Variants in ZNF792 observed in about 807,000 individuals in gnomAD.
The protein encoded by ZNF792 is zinc finger protein 792.
In ZNF792, 14 loss-of-function variants were observed where a neutral mutation model predicts 13.1. That is an observed-to-expected ratio of 1.07 (90% CI 0.71 to 1.67). ZNF792 has a LOEUF of 1.67. ZNF792 is among the 40% of genes most tolerant of loss of function. The pLI is 0.00. For missense variants in ZNF792, 740 were observed against 807.9 expected (o/e 0.92, Z 1.02); for synonymous variants, 257 against 292.0 (o/e 0.88, Z 1.22).
rs945682383 is a variant in ZNF792, at chr19:34,962,122, C to CT, written c.34-1129dup. Among the ~76,000 whole-genome samples the CT allele has an allele frequency of 3.4e-5, 5 of 148,130 alleles. No homozygotes were observed. In the East Asian group the frequency reaches 6.2e-4, roughly 18 times the overall value. On this transcript the variant is annotated intron_variant, in intron 1 of 3. Coordinates refer to ENST00000404801, the MANE Select transcript of ZNF792 (RefSeq NM_175872.5). ...CTCAGTTTTCCAGCCCCACCTTCCTCTTTTTTTTAACATCATTGTCACCAT... is the reference window on the plus strand; with the variant it reads ...CTCAGTTTTCCAGCCCCACCTTCCTCTTTTTTTTTAACATCATTGTCACCAT...
chr19:34,958,744 A>G lies in ZNF792; in HGVS notation c.1111T>C (p.Cys371Arg), dbSNP rs2013476698. 3 of 1,614,018 alleles carry G rather than the reference A, an allele frequency of 1.9e-6. No homozygotes were observed. The highest frequency in any genetic ancestry group is 2.2e-5 in the East Asian group (1 of 44,874). Residue 371 changes from cysteine to arginine, a missense_variant, in exon 4 of 4, where the codon TGT (cysteine) becomes CGT (arginine). Coordinates refer to ENST00000404801, the MANE Select transcript of ZNF792 (RefSeq NM_175872.5). ...TGEKPYECSD[C>R]GKFFSQRSNL... ...GAACGCTGGCTGAAGAACTTCCCAC[A>G]GTCGCTGCACTCATATGGCTTTTCA...
Position 34,957,878 on chromosome 19 carries a change from C to A in ZNF792, c.*78G>T, listed in dbSNP as rs2013454793. 3 of 1,407,390 alleles carry A rather than the reference C, an allele frequency of 2.1e-6. 1 individual carries two copies. The South Asian group carries it at 4.4e-5, about 21-fold the overall frequency. The allele number at this position is 1,407,390 out of a possible 1,614,324, so 87.2% of individuals were successfully genotyped here. A position where few individuals can be genotyped will look rare whatever the true frequency, so the allele number is the denominator to read the frequency against. On this transcript the variant is annotated 3_prime_UTR_variant, in exon 4 of 4. Transcript: ENST00000404801. ...GACATGGCTTCTATCACAACCCCAG[C>A]AGTGAAAAAACGCTGATAAACTCTA... is the stretch of plus-strand genomic sequence containing the variant.
At chr19:34,962,428 G>A (rs1030102587) in intron 1 of ZNF792, among the ~76,000 whole-genome samples, 3 of 152,208 alleles carry the variant, frequency 2.0e-5, no homozygotes, top group Admixed American at 1.3e-4. Flanking sequence ...TATGTGATTG[G>A]TTAGGGTGCG....
At position 34,963,641 on chromosome 19, in the gene ZNF792, C is replaced by A. The variant is rs776750139; in HGVS notation, c.22G>T (p.Asp8Tyr). 10 of 1,602,398 alleles carry A rather than the reference C, an allele frequency of 6.2e-6. No individual in the cohort carries two copies. The highest frequency in any genetic ancestry group is 6.8e-6 in the Non-Finnish European group (8 of 1,175,582). Residue 8 changes from aspartate to tyrosine, a missense_variant, in exon 1 of 4, where the codon GAC (aspartate) becomes TAC (tyrosine). By Grantham distance (160) the Asp-to-Tyr change is radical. Coordinates refer to ENST00000404801, the MANE Select transcript of ZNF792 (RefSeq NM_175872.5). ...GTCCAAGCACTCACCTGCGCGGGGTCCCGCAGCGCCGCCGCTGCCATCGGA... is the reference window on the plus strand; with the variant it reads ...GTCCAAGCACTCACCTGCGCGGGGTACCGCAGCGCCGCCGCTGCCATCGGA... MAAAALRDPAQGCVTFED... is the reference protein window; with the variant it reads MAAAALRYPAQGCVTFED...
rs3746244 is a variant in ZNF792, at chr19:34,958,282, G to A, written c.1573C>T (p.Arg525Trp). Residue 525 changes from arginine to tryptophan, a missense_variant, in exon 4 of 4, where the codon CGG (arginine) becomes TGG (tryptophan). Arg to Trp is a moderately radical substitution (Grantham distance 101). Coordinates refer to ENST00000404801, the MANE Select transcript of ZNF792 (RefSeq NM_175872.5). ...FNQSSSLNNH[R>W]RLHTGERPYE... is the part of the protein sequence containing the mutation. ...GGCCGCTCGCCGGTGTGAAGTCTCC[G>A]GTGGTTATTGAGGCTGGAGCTTTGG... The A allele has an allele frequency of 1.8e-4, 283 of 1,613,524 alleles. 1 individual carries two copies. In the East Asian group the frequency reaches 5.4e-3, roughly 31 times the overall value.
Position 34,959,462 on chromosome 19 carries a change from G to C in ZNF792, c.393C>G (p.Thr131=), listed in dbSNP as rs1405775147. The C allele has an allele frequency of 4.3e-6, 7 of 1,613,782 alleles. No individual in the cohort carries two copies. Among genetic ancestry groups the C allele is most frequent in the Non-Finnish European group, 5.9e-6 (7 of 1,179,740 alleles). The change falls in exon 4 of 4, where the codon ACC becomes ACG. Residue 131 remains threonine (T), a synonymous_variant. Transcript: ENST00000404801. The part of the protein sequence containing the change: ...SPEATLCPQK[T]CPCDICGLRL... The stretch of plus-strand genomic sequence containing the variant: ...GTAGGCCACATATGTCACAGGGGCA[G>C]GTCTTCTGGGGGCACAGAGTTGCCT...
rs755565069 is a variant in ZNF792 at position 34,958,428 on chromosome 19, C to CGCTCA, written c.1422_1426dup (p.Arg476LeufsTer76). ...CCCACATTCATTGCATTCATAAGGC[C>CGCTCA]GCTCACCAGTGTGAACTCGCTGATG... On this transcript the variant is annotated frameshift_variant, in exon 4 of 4. Transcript: ENST00000404801. LOFTEE classifies it low-confidence loss of function (END_TRUNC). 2 of 1,612,304 alleles carry CGCTCA rather than the reference C, an allele frequency of 1.2e-6. No individual in the cohort carries two copies. The highest frequency in any genetic ancestry group is 2.2e-5 in the South Asian group (2 of 90,790).
chr19:34,960,604 CA>C, intron 2 of ZNF792: 1 of 675,848 alleles, frequency 1.5e-6, no homozygotes, highest in Non-Finnish European at 2.4e-6. Flanking sequence ...ATGGCCGAGT[CA>C]GAGGTAGTCA....
At position 34,958,896 on chromosome 19, in the gene ZNF792, C is replaced by T. The variant is rs2013480595; in HGVS notation, c.959G>A (p.Ser320Asn). ...ATGTTTAACAAGGCTGGAGTGCTGG[C>T]TGAAGAATTTTCCACATTCACAGCA... ...YECCECGKFF[S>N]QHSSLVKHRR... The change falls in exon 4 of 4, where the codon AGC (serine) becomes AAC (asparagine). Residue 320 changes from serine to asparagine, a missense_variant. By Grantham distance (46) the Ser-to-Asn change is conservative. Coordinates refer to ENST00000404801, the MANE Select transcript of ZNF792 (RefSeq NM_175872.5). The T allele has an allele frequency of 6.2e-7, 1 of 1,613,904 alleles. No homozygotes were observed. The highest frequency in any genetic ancestry group is 2.2e-5 in the East Asian group (1 of 44,880).
rs1235032494 is a variant in ZNF792 at position 34,958,493 on chromosome 19, C to A, written c.1362G>T (p.Glu454Asp). 4.4e-6 allele frequency: 7 copies of A among 1,587,472 alleles called. No homozygotes were observed. The highest frequency in any genetic ancestry group is 6.0e-6 in the Non-Finnish European group (7 of 1,166,892). Reference sequence around the variant, plus strand: ...AGCTTCGGCTGAAGGCTTTCCCACACTCACCACACCCGTGAGGCCGCTCGC... The same window carrying A: ...AGCTTCGGCTGAAGGCTTTCCCACAATCACCACACCCGTGAGGCCGCTCGC... ...HTGERPHGCG[E>D]CGKAFSRSSD... is the part of the protein sequence containing the mutation. The change falls in exon 4 of 4, where the codon GAG (glutamate) becomes GAT (aspartate). Residue 454 changes from glutamate (E) to aspartate (D), a missense_variant. Coordinates refer to ENST00000404801, the MANE Select transcript of ZNF792 (RefSeq NM_175872.5).
Position 34,960,371 on chromosome 19 carries a change from A to G in ZNF792, c.161-14T>C, listed in dbSNP as rs1334720767. ...AAGATATAAGTCCTAAGGGAAAGAC[A>G]GAGTGGGTCAGTGGCCAGCACCTGC... On this transcript the variant is annotated splice_polypyrimidine_tract_variant and intron_variant, in intron 2 of 3. Transcript: ENST00000404801. The G allele has an allele frequency of 6.2e-7, 1 of 1,610,834 alleles. No individual in the cohort carries two copies. Among genetic ancestry groups the G allele is most frequent in the Non-Finnish European group, 8.5e-7 (1 of 1,178,868 alleles).
chr19:34,960,458 G>A, intron 2 of ZNF792, 101 bp from the exon 3 acceptor site: 1 of 1,445,746 alleles, frequency 6.9e-7, no homozygotes. Context: ...CAGGGACATT[G>A]GGTGGTCACG....
chr19:34,964,058 T>G lies in ZNF792; in HGVS notation c.-396A>C. The G allele has an allele frequency of 4.9e-6, 1 of 202,788 alleles. No individual in the cohort carries two copies. Among genetic ancestry groups the G allele is most frequent in the Non-Finnish European group, 9.9e-6 (1 of 101,166 alleles). 12.6% of individuals were successfully genotyped at this position (202,788 alleles called of 1,614,324 possible). A position where few individuals can be genotyped will look rare whatever the true frequency, so the allele number is the denominator to read the frequency against. On this transcript the variant is annotated 5_prime_UTR_variant, in exon 1 of 4. Transcript: ENST00000404801. ...GGGACTCAGCCTCCCCGCCGGGAAA[T>G]GACCTGCGAGGCTGCAGTGCAGGAA... is the stretch of plus-strand genomic sequence containing the variant.
intron 1 of ZNF792, 105 bp downstream of exon 1, chr19:34,963,525 T>C (rs1304788786): frequency 1.2e-5 from 18 of 1,495,074 alleles, no homozygotes; most frequent in Non-Finnish European, 1.6e-5. Context: ...AGCAAGGAAA[T>C]GGGAAAGGCG....
intron 1 of ZNF792, among the ~76,000 whole-genome samples, chr19:34,961,768 A>C (rs1220795513): frequency 6.6e-6 from 1 of 152,062 alleles, no homozygotes; most frequent in African/African-American, 2.4e-5. Flanking sequence ...CCACCCACCT[A>C]AGCCCAGCAA....
At chr19:34,960,798 A>T in intron 2 of ZNF792, 70 bp downstream of exon 2, 1 of 1,610,072 alleles carries the variant, frequency 6.2e-7, no homozygotes, top group South Asian at 1.1e-5. Context: ...GGAAGGAAAG[A>T]GCTGTTTCTT....
At position 34,956,869 on chromosome 19, in the gene ZNF792, T is replaced by G. The variant is rs2013439359; in HGVS notation, c.*1087A>C. 1 of 152,262 alleles carries G rather than the reference T, an allele frequency of 6.6e-6. No individual in the cohort carries two copies. The highest frequency in any genetic ancestry group is 2.1e-4 in the South Asian group (1 of 4,830). 9.4% of individuals were successfully genotyped at this position (152,262 alleles called of 1,614,324 possible). On this transcript the variant is annotated 3_prime_UTR_variant, in exon 4 of 4. Transcript: ENST00000404801. ...AAACCAAAACCTTTAGATTATTTGCTCTGCCAGTAACATTAGTCATAGGAC... is the reference window on the plus strand; with the variant it reads ...AAACCAAAACCTTTAGATTATTTGCGCTGCCAGTAACATTAGTCATAGGAC...
chr19:34,960,165 G>C, intron 3 of ZNF792, 70 bp downstream of exon 3: 1 of 1,578,532 alleles, frequency 6.3e-7, no homozygotes, highest in Non-Finnish European at 8.7e-7. Flanking sequence ...ATGAATAGGA[G>C]AGAAGATGCT....
intron 3 of ZNF792, 109 bp downstream of exon 3, chr19:34,960,126 C>A: frequency 6.8e-7 from 1 of 1,468,046 alleles, no homozygotes; most frequent in African/African-American, 1.4e-5. Flanking sequence ...GAGACGTGGT[C>A]TGGCTACTGG....
Sources: allele counts gnomAD v4.1 joint callset (sites outside exome capture counted in the v4.1 genomes callset), GRCh38; gene constraint gnomAD v4.1.1; transcripts MANE v1.5; gene names NCBI Gene and HGNC (gene_info 2026-07-23, HGNC 2026-07-21).